Variants in GALNT13 observed in about 807,000 individuals in gnomAD.
GALNT13 encodes the protein polypeptide N-acetylgalactosaminyltransferase 13.
In GALNT13, 28 loss-of-function variants were observed where a neutral mutation model predicts 64.2. That is an observed-to-expected ratio of 0.44 (90% CI 0.32 to 0.60). GALNT13 has a LOEUF of 0.60. Among genes scored for constraint, GALNT13 ranks in the 20% least tolerant of loss-of-function variants. The pLI, the probability that GALNT13 is intolerant of heterozygous loss-of-function variation, is 0.05. For missense variants in GALNT13, 577 were observed against 669.8 expected (o/e 0.86, Z 1.53); for synonymous variants, 214 against 224.6 (o/e 0.95, Z 0.42).
rs114793552 is a variant in GALNT13 at position 154,140,407 on chromosome 2, G to A, written c.213G>A (p.Gln71=). 327 of 1,612,866 alleles carry A rather than the reference G, an allele frequency of 2.0e-4. 1 individual carries two copies. Among genetic ancestry groups the A allele is most frequent in the East Asian group, 8.7e-4 (39 of 44,798 alleles). The change falls in exon 4 of 13, where the codon CAG becomes CAA. Residue 71 remains glutamine, a synonymous_variant. Transcript: ENST00000392825. ...GKAVLIPKDD[Q]EKMKELFKIN... ...CTGTGTTGATTCCTAAAGATGACCA[G>A]GAGAAAATGAAAGAGCTGTTTAAAA...
intron 3 of GALNT13, among the ~76,000 whole-genome samples, chr2:154,017,350 G>A (rs1023922961): frequency 6.6e-6 from 1 of 152,240 alleles, no homozygotes; most frequent in Admixed American, 6.5e-5. Context: ...GGAATGGGCA[G>A]TACTAGCTTT....
At chr2:153,812,192 G>A in the GALNT13 span, among the ~76,000 whole-genome samples, 4 of 152,114 alleles carry the variant, frequency 2.6e-5, no homozygotes, top group Non-Finnish European at 4.4e-5. Context: ...GAACATTTTT[G>A]TGTGTCTGGC....
At chr2:153,641,872 A>C in the GALNT13 span, among the ~76,000 whole-genome samples, 1 of 152,108 alleles carries the variant, frequency 6.6e-6, no homozygotes, top group Non-Finnish European at 1.5e-5. Context: ...TTTATTAACC[A>C]ATTATTCCTG....
chr2:153,763,588 C>A, the GALNT13 span, among the ~76,000 whole-genome samples: 3 of 152,154 alleles, frequency 2.0e-5, no homozygotes, highest in East Asian at 5.8e-4. Context: ...GAGGCCTCCC[C>A]AGCCATGTGG....
intron 3 of GALNT13, among the ~76,000 whole-genome samples, chr2:153,971,374 C>G (rs1364283166): frequency 1.3e-5 from 2 of 152,072 alleles, no homozygotes; most frequent in African/African-American, 4.8e-5. Context: ...TCTAGTCTCC[C>G]TCTCTGCCCA....
chr2:154,151,322 C>T (rs992036147), intron 4 of GALNT13, among the ~76,000 whole-genome samples: 2 of 152,114 alleles, frequency 1.3e-5, no homozygotes, highest in Non-Finnish European at 2.9e-5. Flanking sequence ...TGTTCTTTTA[C>T]ATTTGCTGAG....
chr2:153,117,700 C>A, the GALNT13 span, among the ~76,000 whole-genome samples: 1 of 152,144 alleles, frequency 6.6e-6, no homozygotes, highest in Admixed American at 6.6e-5. Flanking sequence ...CAAAGATACT[C>A]AAATAGGCAC....
chr2:153,917,581 C>G (rs1489419952), intron 2 of GALNT13, among the ~76,000 whole-genome samples: 2 of 152,060 alleles, frequency 1.3e-5, no homozygotes, highest in African/African-American at 4.8e-5. Context: ...GTGCAATAAA[C>G]TATAACAATG....
the GALNT13 span, among the ~76,000 whole-genome samples, chr2:153,740,359 A>G: frequency 1.3e-5 from 2 of 152,042 alleles, no homozygotes; most frequent in Non-Finnish European, 1.5e-5. Flanking sequence ...GTATTCTGGT[A>G]TTAAACCTAT....
chr2:154,345,559 T>A (rs1217064189), intron 9 of GALNT13, among the ~76,000 whole-genome samples: 1 of 152,062 alleles, frequency 6.6e-6, no homozygotes. Flanking sequence ...TAAATTTAAA[T>A]GTAATTATTC....
the GALNT13 span, among the ~76,000 whole-genome samples, chr2:153,722,759 A>T: frequency 9.9e-5 from 15 of 152,194 alleles, no homozygotes; most frequent in Non-Finnish European, 1.8e-4. Context: ...ACCAGGAAGA[A>T]GTTGAATCTC....
At chr2:153,954,599 A>G (rs1165013330) in intron 3 of GALNT13, among the ~76,000 whole-genome samples, 1 of 149,530 alleles carries the variant, frequency 6.7e-6, no homozygotes, top group East Asian at 1.9e-4. Flanking sequence ...AAATAATTAT[A>G]GTTACTATAA....
intron 12 of GALNT13, among the ~76,000 whole-genome samples, chr2:154,439,684 A>G (rs1346635465): frequency 6.6e-6 from 1 of 152,170 alleles, no homozygotes; most frequent in Non-Finnish European, 1.5e-5. Context: ...ACCTTTTTGA[A>G]TGTCGTTTTA....
At chr2:153,578,160 T>A in the GALNT13 span, among the ~76,000 whole-genome samples, 1 of 152,148 alleles carries the variant, frequency 6.6e-6, no homozygotes, top group South Asian at 2.1e-4. Context: ...GATAAGTGAT[T>A]TTTTTAGTTC....
At chr2:153,831,803 T>A in the GALNT13 span, among the ~76,000 whole-genome samples, 1 of 152,196 alleles carries the variant, frequency 6.6e-6, no homozygotes, top group African/African-American at 2.4e-5. Context: ...GGACTCTCGC[T>A]AATAACTGGA....
the GALNT13 span, among the ~76,000 whole-genome samples, chr2:153,812,046 T>G: frequency 1.3e-5 from 2 of 152,218 alleles, no homozygotes; most frequent in Admixed American, 1.3e-4. Context: ...ACTTCCAGCA[T>G]GCTCTAAGGT....
the GALNT13 span, among the ~76,000 whole-genome samples, chr2:153,596,060 T>A: frequency 6.6e-6 from 1 of 152,198 alleles, no homozygotes; most frequent in Non-Finnish European, 1.5e-5. Flanking sequence ...GGGCTGATCA[T>A]TTAAGATGGC....
chr2:153,993,093 A>G (rs1215435300), intron 3 of GALNT13, among the ~76,000 whole-genome samples: 8 of 152,164 alleles, frequency 5.3e-5, no homozygotes, highest in Non-Finnish European at 1.0e-4. Flanking sequence ...AATTCAGAAG[A>G]TGATATATTT....
Position 154,340,899 on chromosome 2 carries a change from A to T in GALNT13, c.1156+39310A>T, listed in dbSNP as rs199976203. On this transcript the variant is annotated intron_variant, in intron 9 of 12. Coordinates refer to ENST00000392825, the MANE Select transcript of GALNT13 (RefSeq NM_052917.4). ...GATATCTTTGTTCTTTGTGTGTATG[A>T]GTGTGTGTGTGTGTGTGTGTGTGCC... Among the ~76,000 whole-genome samples the T allele has an allele frequency of 7.8e-3, 1,164 of 149,630 alleles. 12 individuals are homozygous for T. The highest frequency in any genetic ancestry group is 0.028 in the African/African-American group (1,109 of 40,290).
Sources: allele counts gnomAD v4.1 joint callset (sites outside exome capture counted in the v4.1 genomes callset), GRCh38; gene constraint gnomAD v4.1.1; transcripts MANE v1.5; gene names NCBI Gene and HGNC (gene_info 2026-07-23, HGNC 2026-07-21).